MYO3A: variants seen among roughly 807,000 people sequenced by gnomAD.
MYO3A encodes the protein myosin-IIIa.
A neutral mutation model predicts 192.7 loss-of-function variants in MYO3A; 180 were observed. The observed-to-expected ratio is 0.93, with a 90% CI of 0.83 to 1.06. The LOEUF is 1.06. MYO3A is among the 50% of genes least tolerant of loss of function. MYO3A has a pLI of 0.00. For synonymous variants in MYO3A, 628 were observed against 645.3 expected, an observed-to-expected ratio of 0.97 and a Z score of 0.41; for missense variants, 1,896 against 1,905.0, an observed-to-expected ratio of 1.00 and a Z score of 0.09.
At chr10:26,159,709 A>C (rs1353549098) in intron 26 of MYO3A, among the ~76,000 whole-genome samples, 1 of 152,124 alleles carries the variant, frequency 6.6e-6, no homozygotes, top group Non-Finnish European at 1.5e-5. Context: ...ACCTGGGATT[A>C]TTTATTTGGA....
At chr10:26,076,084 T>C (rs1054524143) in intron 14 of MYO3A, among the ~76,000 whole-genome samples, 3 of 152,054 alleles carry the variant, frequency 2.0e-5, no homozygotes, top group African/African-American at 2.4e-5. Flanking sequence ...CTGTTTTCCA[T>C]AGTGGCTGTA....
chr10:26,093,926 A>G (rs1043083016), intron 15 of MYO3A, among the ~76,000 whole-genome samples: 2 of 152,174 alleles, frequency 1.3e-5, no homozygotes, highest in African/African-American at 4.8e-5. Context: ...CTAGTTATAT[A>G]AGACCCCCCG....
At chr10:26,105,461 G>T (rs776296852) in intron 17 of MYO3A, among the ~76,000 whole-genome samples, 2 of 151,940 alleles carry the variant, frequency 1.3e-5, no homozygotes, top group Non-Finnish European at 2.9e-5. Context: ...TAATATATTT[G>T]AACATCTTTC....
intron 19 of MYO3A, among the ~76,000 whole-genome samples, chr10:26,126,577 G>A (rs1839229470): frequency 1.3e-5 from 2 of 152,004 alleles, no homozygotes; most frequent in South Asian, 4.2e-4. Context: ...TGGTCAAAAT[G>A]GTTGTATGTT....
chr10:26,050,674 C>T (rs1843941870), intron 10 of MYO3A, among the ~76,000 whole-genome samples: 1 of 152,180 alleles, frequency 6.6e-6, no homozygotes, highest in Admixed American at 6.5e-5. Flanking sequence ...AAACTCAGGT[C>T]GCTCTATCTA....
chr10:25,997,063 A>G (rs1246910813), intron 5 of MYO3A, 96 bp from the exon 6 acceptor site: 3 of 876,742 alleles, frequency 3.4e-6, no homozygotes, highest in East Asian at 2.6e-5. Context: ...TAATTTTATT[A>G]TGTGTTTCCT....
At chr10:26,144,727 A>G (rs1840352722) in intron 21 of MYO3A, among the ~76,000 whole-genome samples, 1 of 152,160 alleles carries the variant, frequency 6.6e-6, no homozygotes, top group Non-Finnish European at 1.5e-5. Context: ...GTCAGTCTCA[A>G]GTAGTTTACT....
intron 10 of MYO3A, among the ~76,000 whole-genome samples, chr10:26,043,963 C>A (rs72793972): frequency 0.16 from 24,733 of 152,134 alleles, 2,309 homozygotes; most frequent in Non-Finnish European, 0.21. Flanking sequence ...CACCCAAGGC[C>A]CATGGTGTAC....
chr10:26,147,652 AT>A, intron 23 of MYO3A, 93 bp downstream of exon 23: 5 of 1,569,044 alleles, frequency 3.2e-6, no homozygotes, highest in Middle Eastern at 1.7e-4. Context: ...TTAATTTTTC[AT>A]GTGAGTTTGT....
intron 4 of MYO3A, among the ~76,000 whole-genome samples, chr10:25,977,994 T>C (rs1426667853): frequency 6.6e-6 from 1 of 152,170 alleles, no homozygotes; most frequent in Non-Finnish European, 1.5e-5. Flanking sequence ...CCCAAATCTC[T>C]GGCTTCTAAT....
chr10:26,074,374 C>T (rs1426524431), intron 14 of MYO3A, among the ~76,000 whole-genome samples: 1 of 151,786 alleles, frequency 6.6e-6, no homozygotes, highest in Non-Finnish European at 1.5e-5. Context: ...TGTCATATAG[C>T]TATTCAGTTA....
At chr10:25,934,793 G>A (rs1206208748) in intron 1 of MYO3A, among the ~76,000 whole-genome samples, 1 of 151,506 alleles carries the variant, frequency 6.6e-6, no homozygotes, top group Non-Finnish European at 1.5e-5. Flanking sequence ...GGGAACGTGA[G>A]GAATGAACTT....
In MYO3A at chr10:26,211,452, G is replaced by T. The variant is rs1019864200; in HGVS notation, c.4731-391G>T. ...GCAGTTTTAAAATGCAAAATATTGA[G>T]TGTCTATTTGGGCACTTTGAGTTTT... is the stretch of plus-strand genomic sequence containing the variant. On this transcript the variant is annotated intron_variant, in intron 34 of 34. Coordinates refer to ENST00000642920, the MANE Select transcript of MYO3A (RefSeq NM_017433.5). Among the ~76,000 whole-genome samples, 3 of 152,326 alleles carry T rather than the reference G, an allele frequency of 2.0e-5. No individual in the cohort carries two copies. In the South Asian group the frequency reaches 6.2e-4, roughly 32 times the overall value.
chr10:26,119,003 A>G (rs748906201), intron 17 of MYO3A, among the ~76,000 whole-genome samples: 2 of 152,110 alleles, frequency 1.3e-5, no homozygotes, highest in Non-Finnish European at 2.9e-5. Context: ...TTCTTACTGC[A>G]CTGTTCCTCC....
chr10:26,041,780 T>G (rs2131224440), intron 10 of MYO3A, among the ~76,000 whole-genome samples: 1 of 152,284 alleles, frequency 6.6e-6, no homozygotes, highest in South Asian at 2.1e-4. Context: ...CCATATCTTC[T>G]TGTACTGTCT....
intron 9 of MYO3A, among the ~76,000 whole-genome samples, chr10:26,025,589 C>T (rs1307939237): frequency 6.6e-6 from 1 of 152,194 alleles, no homozygotes; most frequent in African/African-American, 2.4e-5. Flanking sequence ...GATCTGAAAG[C>T]TGTTTCTCTC....
At chr10:26,081,402 C>A (rs983495641) in intron 14 of MYO3A, among the ~76,000 whole-genome samples, 1 of 152,064 alleles carries the variant, frequency 6.6e-6, no homozygotes, top group Non-Finnish European at 1.5e-5. Flanking sequence ...GGGCGGGTCT[C>A]ACTCCCACCA....
chr10:26,048,640 C>A (rs183245043), intron 10 of MYO3A, among the ~76,000 whole-genome samples: 1 of 152,162 alleles, frequency 6.6e-6, no homozygotes, highest in South Asian at 2.1e-4. Flanking sequence ...TGTTCCCTGT[C>A]CATGAATGAT....
chr10:25,980,218 C>A (rs1030486181), intron 4 of MYO3A, among the ~76,000 whole-genome samples: 1 of 147,314 alleles, frequency 6.8e-6, no homozygotes, highest in African/African-American at 2.5e-5. Flanking sequence ...GCCTGGGCAA[C>A]GGAGCGAGAC....
Sources: gnomAD v4.1 joint callset for allele counts (sites outside exome capture counted in the v4.1 genomes callset) on GRCh38, gnomAD v4.1.1 for gene constraint, MANE v1.5 for transcripts, NCBI Gene and HGNC (gene_info 2026-07-23, HGNC 2026-07-21) for gene names.